MINAR1: variants seen among roughly 807,000 people sequenced by gnomAD.
MINAR1 encodes the protein membrane integral NOTCH2 associated receptor 1.
MINAR1 carries 40 observed loss-of-function variants against 65.1 expected under a neutral mutation model. The ratio of observed to expected loss-of-function variants is 0.61; its 90% CI spans 0.48 to 0.80. The LOEUF is 0.80. Among genes scored for constraint, MINAR1 ranks in the 30% least tolerant of loss-of-function variants. The pLI is 0.00. For synonymous variants in MINAR1, 482 were observed against 449.1 expected (o/e 1.07, Z -0.93); for missense variants, 1,128 against 1,148.0 (o/e 0.98, Z 0.25).
At chr15:79,450,855 A>G (rs978325825) in intron 1 of MINAR1, among the ~76,000 whole-genome samples, 1 of 152,330 alleles carries the variant, frequency 6.6e-6, no homozygotes, top group South Asian at 2.1e-4. Context: ...GACTGCTAGA[A>G]TTCCCATTGC....
In MINAR1 at chr15:79,468,567, A is replaced by AT. The variant is rs1484357843; in HGVS notation, c.*185dup. 1 of 606,900 alleles carries AT rather than the reference A, an allele frequency of 1.6e-6. No individual in the cohort carries two copies. The highest frequency in any genetic ancestry group is 2.9e-6 in the Non-Finnish European group (1 of 347,852). The allele number at this position is 606,900 out of a possible 1,614,324, so 37.6% of individuals were successfully genotyped here. A position where few individuals can be genotyped will look rare whatever the true frequency, so the allele number is the denominator to read the frequency against. On this transcript the variant is annotated 3_prime_UTR_variant, in exon 4 of 4. Coordinates refer to ENST00000305428, the MANE Select transcript of MINAR1 (RefSeq NM_015206.3). ...ATTCTAGTGAGAAATCTACCTACCT[A>AT]TTAGCTTTGACTCAATTACACTCTG... is the stretch of plus-strand genomic sequence containing the variant.
chr15:79,452,429 GGTGA>G (rs1895241531), intron 1 of MINAR1, among the ~76,000 whole-genome samples: 2 of 151,040 alleles, frequency 1.3e-5, no homozygotes, highest in East Asian at 2.0e-4. Context: ...TGAGTGTGTG[GGTGA>G]GTCTGTGTGA....
chr15:79,466,034 C>T (rs539834452), intron 3 of MINAR1, among the ~76,000 whole-genome samples: 1 of 152,104 alleles, frequency 6.6e-6, no homozygotes, highest in South Asian at 2.1e-4. Flanking sequence ...TTCTGGGGCT[C>T]TAGCAGAGGA....
rs184522106 is a variant in MINAR1 at position 79,466,840 on chromosome 15, C to G, written c.2554-1347C>G. 1.7e-4 allele frequency among the ~76,000 whole-genome samples: 26 copies of G among 152,296 alleles called. No homozygotes were observed. The East Asian group carries it at 4.6e-3, about 27-fold the overall frequency. On this transcript the variant is annotated intron_variant, in intron 3 of 3. Transcript: ENST00000305428. ...TGTTGCCACCCTTGGATCTGAAGGG[C>G]CAAGGGAAAGGGGCTGTTTCTGAAA...
chr15:79,454,823 T>C (rs1895355012), intron 1 of MINAR1, among the ~76,000 whole-genome samples: 1 of 152,192 alleles, frequency 6.6e-6, no homozygotes, highest in South Asian at 2.1e-4. Context: ...TCTAGTTCTT[T>C]ATAGGGTCTT....
At chr15:79,466,126 T>TGGTTTCTATTTTGGGTGCCCTGA (rs1895844223) in intron 3 of MINAR1, among the ~76,000 whole-genome samples, 1 of 152,164 alleles carries the variant, frequency 6.6e-6, no homozygotes, top group African/African-American at 2.4e-5. Context: ...GAGAGTGTCT[T>TGGTTTCTATTTTGGGTGCCCTGA]GGTTTCTATT....
At chr15:79,460,535 A>G (rs183613909) in intron 2 of MINAR1, among the ~76,000 whole-genome samples, 1 of 149,584 alleles carries the variant, frequency 6.7e-6, no homozygotes, top group East Asian at 2.0e-4. Flanking sequence ...GTCTTTTGCA[A>G]CTCTGCCTTC....
the MINAR1 span, chr15:79,423,162 G>A: frequency 6.6e-6 from 1 of 152,166 alleles, no homozygotes; most frequent in Admixed American, 6.5e-5. Flanking sequence ...ATAACTGCAT[G>A]TGACTCTATA....
At position 79,456,819 on chromosome 15, in the gene MINAR1, C is replaced by A. The variant is rs767695301; in HGVS notation, c.672C>A (p.Ser224=). Residue 224 remains serine, a synonymous_variant, in exon 2 of 4, where the codon TCC becomes TCA. Coordinates refer to ENST00000305428, the MANE Select transcript of MINAR1 (RefSeq NM_015206.3). ...TCCCCATGAACATCGAAAACGAGTC[C>A]ATTTCAGACCAGGACTCCCTGCCCA... ...TYFPMNIENE[S]ISDQDSLPIN... 1.9e-6 allele frequency: 3 copies of A among 1,614,174 alleles called. No individual in the cohort carries two copies. The highest frequency in any genetic ancestry group is 1.3e-5 in the African/African-American group (1 of 75,046).
chr15:79,451,387 C>T (rs1895194527), intron 1 of MINAR1, among the ~76,000 whole-genome samples: 1 of 152,162 alleles, frequency 6.6e-6, no homozygotes. Context: ...AGAGGAGACT[C>T]TGGGACCTGG....
chr15:79,426,883 T>C, the MINAR1 span: 2 of 152,248 alleles, frequency 1.3e-5, no homozygotes, highest in African/African-American at 2.4e-5. Context: ...TAGAAGTTTA[T>C]AATTCCTACC....
At chr15:79,433,243 G>C (rs1275442363) in intron 1 of MINAR1, among the ~76,000 whole-genome samples, 4 of 152,152 alleles carry the variant, frequency 2.6e-5, no homozygotes, top group African/African-American at 9.7e-5. Context: ...GTAGTCATTT[G>C]TCCCCTCGCC....
intron 2 of MINAR1, among the ~76,000 whole-genome samples, chr15:79,462,354 G>C (rs942574333): frequency 1.6e-4 from 24 of 152,160 alleles, no homozygotes; most frequent in African/African-American, 5.1e-4. Context: ...GGTATACTGA[G>C]AGCAGAAACC....
intron 1 of MINAR1, among the ~76,000 whole-genome samples, chr15:79,440,123 A>G (rs1477401259): frequency 6.6e-6 from 1 of 152,080 alleles, no homozygotes; most frequent in Non-Finnish European, 1.5e-5. Flanking sequence ...TGCATCCACT[A>G]TACCAGAACC....
At chr15:79,431,619 C>T (rs1018869248), upstream of MINAR1, among the ~76,000 whole-genome samples, 2 of 152,214 alleles carry the variant, frequency 1.3e-5, no homozygotes, top group African/African-American at 4.8e-5. Context: ...AGTGAAGTGA[C>T]CACTTGGCCC....
At chr15:79,433,284 CCTAA>C (rs1368587889) in intron 1 of MINAR1, among the ~76,000 whole-genome samples, 6 of 152,182 alleles carry the variant, frequency 3.9e-5, no homozygotes, top group Admixed American at 2.6e-4. Context: ...ATTTGAGTAG[CCTAA>C]CTCTCACAGC....
At chr15:79,427,362 T>A (rs1464203338), upstream of MINAR1, 4 of 152,196 alleles carry the variant, frequency 2.6e-5, no homozygotes. Flanking sequence ...CAAACCCTCA[T>A]GACACGAGTT....
intron 1 of MINAR1, among the ~76,000 whole-genome samples, chr15:79,445,551 T>TTTTA (rs1555427879): frequency 3.7e-3 from 14 of 3,800 alleles, no homozygotes; most frequent in African/African-American, 0.012. Context: ...GTGACAGTTA[T>TTTTA]TTTTTTTTTT....
At chr15:79,419,904 G>A in the MINAR1 span, 2 of 152,088 alleles carry the variant, frequency 1.3e-5, no homozygotes, top group Admixed American at 1.3e-4. Flanking sequence ...GAATGGTGGT[G>A]AGAAGAATAC....
Sources: allele counts gnomAD v4.1 joint callset (sites outside exome capture counted in the v4.1 genomes callset), GRCh38; gene constraint gnomAD v4.1.1; transcripts MANE v1.5; gene names NCBI Gene and HGNC (gene_info 2026-07-23, HGNC 2026-07-21).